The following EPHA10 variants were observed in gnomAD, a reference collection of about 807,000 sequenced individuals.
The protein encoded by EPHA10 is ephrin type-A receptor 10.
A neutral mutation model predicts 109.7 loss-of-function variants in EPHA10; 120 were observed. The observed-to-expected ratio is 1.09, with a 90% CI of 0.94 to 1.27. EPHA10 has a LOEUF of 1.27. EPHA10 is among the 50% of genes most tolerant of loss of function. The pLI is 0.00. For missense variants in EPHA10, 1,396 were observed against 1,411.1 expected (o/e 0.99, Z 0.17); for synonymous variants, 640 against 618.9 (o/e 1.03, Z -0.51).
intron 10 of EPHA10, among the ~76,000 whole-genome samples, chr1:37,722,629 T>A (rs993615840): frequency 6.6e-6 from 1 of 152,140 alleles, no homozygotes; most frequent in Non-Finnish European, 1.5e-5. Flanking sequence ...ATTTCTCAGA[T>A]GAGAAACTGA....
rs58011114 is a variant in EPHA10, at chr1:37,764,489, G to A, written c.106+472C>T. 0.011 allele frequency among the ~76,000 whole-genome samples: 1,678 copies of A among 152,310 alleles called. 76 individuals carry two copies. The highest frequency in any genetic ancestry group is 0.076 in the Admixed American group (1,166 of 15,306). On this transcript the variant is annotated intron_variant, in intron 1 of 16. Coordinates refer to ENST00000373048, the MANE Select transcript of EPHA10 (RefSeq NM_001099439.2). The surrounding 1 kb of genome is among the most constrained non-coding windows in gnomAD (Gnocchi z 5.8). ...CTGCGGACAGTTCCATGATCAGCAC[G>A]TCGGGCAGCGCCCGGATCCAGCCCC...
rs1645691433 is a variant in EPHA10, at chr1:37,716,366, G to A, written c.*2006C>T. On this transcript the variant is annotated 3_prime_UTR_variant, in exon 17 of 17. Coordinates refer to ENST00000373048, the MANE Select transcript of EPHA10 (RefSeq NM_001099439.2). ...GAATGACTGATGTAGCTGGAGATGA[G>A]GACGAGGCTCCATCCACCCAAGAAG... The A allele has an allele frequency of 4.2e-6, 1 of 239,458 alleles. No homozygotes were observed. The highest frequency in any genetic ancestry group is 8.2e-6 in the Non-Finnish European group (1 of 122,240). The allele number at this position is 239,458 out of a possible 1,614,324, so 14.8% of individuals were successfully genotyped here.
At chr1:37,737,483 AG>A (rs1351172100) in intron 5 of EPHA10, among the ~76,000 whole-genome samples, 3 of 152,232 alleles carry the variant, frequency 2.0e-5, no homozygotes, top group African/African-American at 7.2e-5. Context: ...ATCTCCCACA[AG>A]GGTACCAAGG....
chr1:37,744,941 G>A (rs589303), intron 5 of EPHA10, among the ~76,000 whole-genome samples: 51,714 of 152,000 alleles, frequency 0.34, 8,860 homozygotes, highest in East Asian at 0.47. Context: ...AGAAGAATTT[G>A]AACACAGAGA....
rs1214011987 is a variant in EPHA10 at position 37,754,834 on chromosome 1, A to G, written c.851-464T>C. The stretch of plus-strand genomic sequence containing the variant: ...CTTTTTTCTTTTCGAGTCTCCTTCT[A>G]TCACCCAGGCTGGAGTGCAGTGGCG... On this transcript the variant is annotated intron_variant, in intron 3 of 16. Transcript: ENST00000373048. This position sits in a 1 kb window ranked among gnomAD's most constrained non-coding sequence, Gnocchi z 4.5. Among the ~76,000 whole-genome samples the G allele has an allele frequency of 6.6e-6, 1 of 151,618 alleles. No individual in the cohort carries two copies. Among genetic ancestry groups the G allele is most frequent in the Non-Finnish European group, 1.5e-5 (1 of 67,898 alleles).
At chr1:37,723,839 G>A (rs1166953247) in intron 8 of EPHA10, among the ~76,000 whole-genome samples, 1 of 152,262 alleles carries the variant, frequency 6.6e-6, no homozygotes, top group African/African-American at 2.4e-5. Context: ...ACACGGGACA[G>A]ACAGGCCTGA....
At chr1:37,734,807 T>C (rs1646042484) in intron 6 of EPHA10, 1 of 339,770 alleles carries the variant, frequency 2.9e-6, no homozygotes, top group Non-Finnish European at 5.7e-6. Context: ...ACTCATACAT[T>C]TATTGTTCTG....
chr1:37,752,058 C>G (rs1646336116), intron 5 of EPHA10, among the ~76,000 whole-genome samples: 4 of 152,090 alleles, frequency 2.6e-5, no homozygotes, highest in Admixed American at 1.3e-4. Context: ...AGCAGGGATG[C>G]AGGGTGACAG....
chr1:37,739,844 G>A (rs918661234), intron 5 of EPHA10, among the ~76,000 whole-genome samples: 1 of 151,916 alleles, frequency 6.6e-6, no homozygotes, highest in Non-Finnish European at 1.5e-5. Flanking sequence ...TGTAATCTCA[G>A]CACTTTGGGA....
At chr1:37,734,997 A>G (rs1226064999) in intron 6 of EPHA10, among the ~76,000 whole-genome samples, 2 of 152,190 alleles carry the variant, frequency 1.3e-5, no homozygotes, top group Admixed American at 1.3e-4. Flanking sequence ...GCCCCAGAGA[A>G]AGCTCTTTGT....
intron 5 of EPHA10, among the ~76,000 whole-genome samples, chr1:37,739,265 C>A (rs584433): frequency 0.31 from 47,191 of 152,058 alleles, 7,681 homozygotes; most frequent in Middle Eastern, 0.46. Flanking sequence ...TATGAATGAA[C>A]CTCGAAGACA....
In EPHA10 at chr1:37,723,374, TG is replaced by T. The variant is rs1419891544; in HGVS notation, c.1773-3del. Reference sequence around the variant, plus strand: ...CCTCCTTTGCCATAGCTGCAGGGCCTGGCAGGGAGTTCAGGGTCATTCTTTC... The same window carrying T: ...CCTCCTTTGCCATAGCTGCAGGGCCTGCAGGGAGTTCAGGGTCATTCTTTC... On this transcript the variant is annotated splice_polypyrimidine_tract_variant and splice_region_variant and intron_variant, in intron 8 of 16. Coordinates refer to ENST00000373048, the MANE Select transcript of EPHA10 (RefSeq NM_001099439.2). The T allele has an allele frequency of 6.2e-7, 1 of 1,614,066 alleles. No individual in the cohort carries two copies. Among genetic ancestry groups the T allele is most frequent in the African/African-American group, 1.3e-5 (1 of 75,044 alleles).
Position 37,719,530 on chromosome 1 carries a change from G to A in EPHA10, c.2640C>T (p.Leu880=), listed in dbSNP as rs755206454. 63 of 1,613,904 alleles carry A rather than the reference G, an allele frequency of 3.9e-5. No homozygotes were observed. The East Asian group carries it at 8.2e-4, about 21-fold the overall frequency. Residue 880 remains leucine (L), a synonymous_variant, in exon 15 of 17, where the codon CTC becomes CTT. Transcript: ENST00000373048. ...NCPNLLHRLM[L]DCWQKDPGER... is the part of the protein sequence containing the mutation. Reference sequence around the variant, plus strand: ...CACCTGGGTCCTTCTGCCAGCAGTCGAGCATTAGTCGGTGCAGAAGGTTAG... The same window carrying A: ...CACCTGGGTCCTTCTGCCAGCAGTCAAGCATTAGTCGGTGCAGAAGGTTAG...
chr1:37,735,124 C>A (rs547771142), intron 6 of EPHA10, 133 bp downstream of exon 6: 28 of 1,193,998 alleles, frequency 2.3e-5, no homozygotes, highest in Middle Eastern at 2.7e-4. Context: ...GAGCCTGGGG[C>A]CCCTAGGAGA....
chr1:37,749,818 T>C (rs1646296232), intron 5 of EPHA10, among the ~76,000 whole-genome samples: 1 of 152,232 alleles, frequency 6.6e-6, no homozygotes. Context: ...AGAGTGTACT[T>C]ACACAAACCT....
At chr1:37,752,001 G>A (rs1432348622) in intron 5 of EPHA10, among the ~76,000 whole-genome samples, 1 of 152,190 alleles carries the variant, frequency 6.6e-6, no homozygotes, top group African/African-American at 2.4e-5. Context: ...CCTAGCCTCA[G>A]ACTTCTTGGC....
In EPHA10 at chr1:37,761,421, AC is replaced by A; in HGVS notation, c.833del (p.Arg278LeufsTer71). The A allele has an allele frequency of 6.3e-7, 1 of 1,599,012 alleles. No individual in the cohort carries two copies. The highest frequency in any genetic ancestry group is 8.5e-7 in the Non-Finnish European group (1 of 1,179,644). On this transcript the variant is annotated frameshift_variant, in exon 3 of 17. Transcript: ENST00000373048. LOFTEE classifies it high-confidence loss of function. ...ACTGGATACCTTCGCAGAAGTCACCACGCTCCTGGAATCCCGCGCTGCAGCT... is the reference window on the plus strand; with the variant it reads ...ACTGGATACCTTCGCAGAAGTCACCAGCTCCTGGAATCCCGCGCTGCAGCT... ...RCSCSAGFQE[R>X]GDFCEACPPG... is the part of the protein sequence containing the mutation.
intron 3 of EPHA10, among the ~76,000 whole-genome samples, chr1:37,757,567 G>C (rs1265030438): frequency 1.3e-5 from 2 of 152,010 alleles, no homozygotes; most frequent in African/African-American, 4.8e-5. Context: ...AGCTTTCCTT[G>C]GCATTGTCCC....
rs1645721375 is a variant in EPHA10 at position 37,718,191 on chromosome 1, C to T, written c.*181G>A. 5 of 611,464 alleles carry T rather than the reference C, an allele frequency of 8.2e-6. No homozygotes were observed. The highest frequency in any genetic ancestry group is 6.1e-5 in the Admixed American group (2 of 32,770). The allele number at this position is 611,464 out of a possible 1,614,324, so 37.9% of individuals were successfully genotyped here. A position where few individuals can be genotyped will look rare whatever the true frequency, so the allele number is the denominator to read the frequency against. On this transcript the variant is annotated 3_prime_UTR_variant, in exon 17 of 17. Coordinates refer to ENST00000373048, the MANE Select transcript of EPHA10 (RefSeq NM_001099439.2). ...CTGAGTTAGCCAAGGCGTTCAGACT[C>T]GTGAAAATGGGAGGGGCAGGCAGTG...
Sources: allele counts gnomAD v4.1 joint callset (sites outside exome capture counted in the v4.1 genomes callset), GRCh38; gene constraint gnomAD v4.1.1; non-coding constraint Gnocchi (gnomAD v3.1); transcripts MANE v1.5; gene names NCBI Gene and HGNC (gene_info 2026-07-23, HGNC 2026-07-21).